The following FGF14 variants were observed in gnomAD, a reference collection of about 807,000 sequenced individuals.
The protein encoded by FGF14 is fibroblast growth factor homologous factor 4.
FGF14 carries 5 observed loss-of-function variants against 25.5 expected under a neutral mutation model. The observed-to-expected ratio is 0.20, with a 90% CI of 0.10 to 0.41. FGF14 has a LOEUF of 0.41. FGF14 is among the 10% of genes least tolerant of loss of function. FGF14 has a pLI of 1.00. For synonymous variants in FGF14, 138 were observed against 118.3 expected (o/e 1.17, Z -1.08); for missense variants, 222 against 320.1 (o/e 0.69, Z 2.34).
intron 1 of FGF14, among the ~76,000 whole-genome samples, chr13:101,878,952 A>AAGAACG (rs1197804387): frequency 1.3e-5 from 2 of 151,800 alleles, no homozygotes; most frequent in Admixed American, 1.3e-4. Context: ...TAAGGCCTAC[A>AAGAACG]AGTATTTTTG....
chr13:102,354,279 A>G (rs1211780267), intron 1 of FGF14: 1 of 152,202 alleles, frequency 6.6e-6, no homozygotes, highest in East Asian at 1.9e-4. Flanking sequence ...AGGCAAATGC[A>G]TATCTGATTG....
intron 3 of FGF14, among the ~76,000 whole-genome samples, chr13:101,765,685 A>G (rs2038339209): frequency 6.6e-6 from 1 of 151,548 alleles, no homozygotes; most frequent in African/African-American, 2.4e-5. Flanking sequence ...CTCTGTGCAT[A>G]TAGAAGCCTT....
intron 1 of FGF14, among the ~76,000 whole-genome samples, chr13:102,150,527 G>A (rs1054234266): frequency 6.6e-6 from 1 of 152,040 alleles, no homozygotes; most frequent in Non-Finnish European, 1.5e-5. Flanking sequence ...CTTTGTGGTC[G>A]TTATTTGTCC....
intron 1 of FGF14, chr13:102,294,028 A>G (rs1342070766): frequency 6.6e-6 from 1 of 152,188 alleles, no homozygotes; most frequent in African/African-American, 2.4e-5. Flanking sequence ...ATGTAGAAGT[A>G]GAAACCTGAA....
In FGF14 at chr13:101,716,961, A is replaced by C. The variant is rs2034748197; in HGVS notation, c.*5870T>G. On this transcript the variant is annotated 3_prime_UTR_variant, in exon 5 of 5. Transcript: ENST00000376143. Reference sequence around the variant, plus strand: ...GACTTCCCTTACATATTTACAGGTAAATCTACTTATACACATTAGTTTAGG... The same window carrying C: ...GACTTCCCTTACATATTTACAGGTACATCTACTTATACACATTAGTTTAGG... 6.6e-6 allele frequency: 1 copy of C among 152,098 alleles called. No homozygotes were observed. The highest frequency in any genetic ancestry group is 1.5e-5 in the Non-Finnish European group (1 of 67,988). 9.4% of individuals were successfully genotyped at this position (152,098 alleles called of 1,614,324 possible). A position where few individuals can be genotyped will look rare whatever the true frequency, so the allele number is the denominator to read the frequency against.
At chr13:102,357,336 G>A (rs1037072869) in intron 1 of FGF14, among the ~76,000 whole-genome samples, 2 of 152,118 alleles carry the variant, frequency 1.3e-5, no homozygotes, top group East Asian at 3.9e-4. Flanking sequence ...GTGGGGCCCA[G>A]AGGTCTCCTC....
intron 1 of FGF14, among the ~76,000 whole-genome samples, chr13:102,277,969 GC>G (rs1300552737): frequency 6.6e-6 from 1 of 152,070 alleles, no homozygotes; most frequent in African/African-American, 2.4e-5. Context: ...CAAAATGATT[GC>G]CCCAGAATCA....
chr13:101,832,840 A>G (rs958861005), intron 3 of FGF14, among the ~76,000 whole-genome samples: 9 of 152,108 alleles, frequency 5.9e-5, no homozygotes, highest in South Asian at 4.1e-4. Context: ...ATATCACAAA[A>G]TTAAGATAAA....
intron 1 of FGF14, among the ~76,000 whole-genome samples, chr13:102,209,661 A>G (rs2050082853): frequency 6.6e-6 from 1 of 152,182 alleles, no homozygotes; most frequent in African/African-American, 2.4e-5. Flanking sequence ...GACTTGAAGC[A>G]GGGAGCTAGG....
At chr13:102,304,271 ATGC>A (rs912572459) in intron 1 of FGF14, among the ~76,000 whole-genome samples, 17 of 152,128 alleles carry the variant, frequency 1.1e-4, no homozygotes, top group Admixed American at 1.1e-3. Context: ...CTACCCTGAG[ATGC>A]TACTTGGTTC....
intron 1 of FGF14, among the ~76,000 whole-genome samples, chr13:102,032,554 T>C (rs376655775): frequency 3.9e-5 from 6 of 152,134 alleles, no homozygotes; most frequent in African/African-American, 7.2e-5. Flanking sequence ...AGTATAGAAT[T>C]TGACTTATTT....
intron 1 of FGF14, among the ~76,000 whole-genome samples, chr13:102,110,001 G>C (rs1210533045): frequency 6.6e-6 from 1 of 152,154 alleles, no homozygotes; most frequent in Non-Finnish European, 1.5e-5. Flanking sequence ...GAGACAAATA[G>C]ATTAAAGATA....
In FGF14 at chr13:102,292,107, C is replaced by T. The variant is rs142231318; in HGVS notation, c.208+109364G>A. 9.9e-5 allele frequency among the ~76,000 whole-genome samples: 15 copies of T among 152,108 alleles called. No individual in the cohort carries two copies. The East Asian group carries it at 2.7e-3, about 27-fold the overall frequency. ...ATGGCTGGCTGGCCGGAGCCCCCGC[C>T]AATTTGTTTTTCTGGCTTGCATTTC... On this transcript the variant is annotated intron_variant, in intron 1 of 4. Transcript: ENST00000376131.
At chr13:101,827,353 G>A (rs2042438405) in intron 3 of FGF14, among the ~76,000 whole-genome samples, 1 of 151,932 alleles carries the variant, frequency 6.6e-6, no homozygotes, top group South Asian at 2.1e-4. Flanking sequence ...AACTTGTTAA[G>A]TAGTGTAAGG....
At chr13:102,114,697 G>A (rs2045386694) in intron 1 of FGF14, among the ~76,000 whole-genome samples, 1 of 152,116 alleles carries the variant, frequency 6.6e-6, no homozygotes, top group South Asian at 2.1e-4. Context: ...TGAGCCTTGA[G>A]AACATTATGG....
At chr13:102,207,243 G>A (rs2049967081) in intron 1 of FGF14, among the ~76,000 whole-genome samples, 1 of 151,694 alleles carries the variant, frequency 6.6e-6, no homozygotes, top group Non-Finnish European at 1.5e-5. Context: ...TCATGCCACT[G>A]CACTCCAGCC....
rs1006484646 is a variant in FGF14, at chr13:102,384,464, A to G, written c.208+17007T>C. Among the ~76,000 whole-genome samples, 8 of 152,158 alleles carry G rather than the reference A, an allele frequency of 5.3e-5. No individual in the cohort carries two copies. The South Asian group carries it at 8.3e-4, about 16-fold the overall frequency. On this transcript the variant is annotated intron_variant, in intron 1 of 4. Coordinates refer to the FGF14 transcript ENST00000376131. ...ACTCACCACACTCTCTCATGCCCCTAAAAATATTTAAGGTTTACTGTTTTC... is the reference window on the plus strand; with the variant it reads ...ACTCACCACACTCTCTCATGCCCCTGAAAATATTTAAGGTTTACTGTTTTC...
intron 1 of FGF14, among the ~76,000 whole-genome samples, chr13:102,319,833 T>A (rs1424366605): frequency 6.6e-6 from 1 of 152,208 alleles, no homozygotes; most frequent in Admixed American, 6.5e-5. Context: ...ATAATAGAGA[T>A]GATATAGACA....
chr13:101,718,000 G>C lies in FGF14; in HGVS notation c.*4831C>G, dbSNP rs2034790444. 1 of 152,082 alleles carries C rather than the reference G, an allele frequency of 6.6e-6. No homozygotes were observed. Among genetic ancestry groups the C allele is most frequent in the Admixed American group, 6.6e-5 (1 of 15,254 alleles). The allele number at this position is 152,082 out of a possible 1,614,324, so 9.4% of individuals were successfully genotyped here. A position where few individuals can be genotyped will look rare whatever the true frequency, so the allele number is the denominator to read the frequency against. On this transcript the variant is annotated 3_prime_UTR_variant, in exon 5 of 5. Transcript: ENST00000376143. Reference sequence around the variant, plus strand: ...TTTGTTTTCTCAGAAAAAGAATTTAGATATTGGAGAAATTATCATACCATA... The same window carrying C: ...TTTGTTTTCTCAGAAAAAGAATTTACATATTGGAGAAATTATCATACCATA...
Sources: allele counts gnomAD v4.1 joint callset (sites outside exome capture counted in the v4.1 genomes callset), GRCh38; gene constraint gnomAD v4.1.1; transcripts MANE v1.5; gene names NCBI Gene and HGNC (gene_info 2026-07-23, HGNC 2026-07-21).